AXIN1: variants seen among roughly 807,000 people sequenced by gnomAD.
AXIN1 encodes the protein axin-1.
AXIN1 carries 30 observed loss-of-function variants against 76.4 expected under a neutral mutation model. The observed-to-expected ratio is 0.39, with a 90% confidence interval of 0.29 to 0.53. AXIN1 has a LOEUF of 0.53. AXIN1 is among the 20% of genes least tolerant of loss of function. AXIN1 has a pLI of 0.66. For synonymous variants in AXIN1, 545 were observed against 501.4 expected, an observed-to-expected ratio of 1.09 and a Z score of -1.16; for missense variants, 1,140 against 1,198.8, an observed-to-expected ratio of 0.95 and a Z score of 0.72.
At chr16:289,079 CTT>C (rs763771972) in intron 10 of AXIN1, among the ~76,000 whole-genome samples, 158 of 137,574 alleles carry the variant, frequency 1.1e-3, no homozygotes, top group Middle Eastern at 3.7e-3. Context: ...AGCCCTTTTT[CTT>C]CTTTTTTTTT....
chr16:309,564 G>C (rs530265731), intron 4 of AXIN1, among the ~76,000 whole-genome samples: 15 of 152,294 alleles, frequency 9.8e-5, no homozygotes, highest in Admixed American at 7.2e-4. Flanking sequence ...TTTACCTGGA[G>C]ACGACCACTG....
chr16:337,571 A>G (rs1347172173), intron 2 of AXIN1, among the ~76,000 whole-genome samples: 1 of 151,668 alleles, frequency 6.6e-6, no homozygotes, highest in African/African-American at 2.4e-5. Flanking sequence ...AGCAGGGCAC[A>G]GGACCAAGCA....
intron 2 of AXIN1, among the ~76,000 whole-genome samples, chr16:320,717 G>A (rs905290693): frequency 1.0e-5 from 1 of 99,742 alleles, no homozygotes; most frequent in Non-Finnish European, 1.9e-5. Context: ...GTATATGCGT[G>A]TGTGTGTATA....
In AXIN1 at chr16:288,001, G is replaced by T; in HGVS notation, c.*121C>A. 2 of 1,522,320 alleles carry T rather than the reference G, an allele frequency of 1.3e-6. No individual in the cohort carries two copies. The highest frequency in any genetic ancestry group is 1.8e-6 in the Non-Finnish European group (2 of 1,110,156). The allele number at this position is 1,522,320 out of a possible 1,614,324, so 94.3% of individuals were successfully genotyped here. ...CCTCTAGACACGGGTAGACCACAGG[G>T]ATGGGTGGTACACCCAACACTGTTC... On this transcript the variant is annotated 3_prime_UTR_variant, in exon 11 of 11. Transcript: ENST00000262320.
intron 5 of AXIN1, among the ~76,000 whole-genome samples, chr16:300,777 A>T (rs968008767): frequency 1.3e-5 from 2 of 152,192 alleles, no homozygotes; most frequent in Non-Finnish European, 1.5e-5. Context: ...GGGCCCGGGC[A>T]CTCTGGGGAG....
chr16:315,671 C>T (rs1045497906), intron 2 of AXIN1, among the ~76,000 whole-genome samples: 19 of 151,970 alleles, frequency 1.3e-4, no homozygotes, highest in Admixed American at 1.3e-4. Context: ...ACTAAAAATA[C>T]AAAAAATTAG....
intron 2 of AXIN1, among the ~76,000 whole-genome samples, chr16:317,405 G>C (rs1029608852): frequency 2.0e-5 from 3 of 152,124 alleles, no homozygotes; most frequent in African/African-American, 7.2e-5. Flanking sequence ...TCAGCTGCTC[G>C]GGAGGCAGGT....
chr16:314,594 T>C lies in AXIN1; in HGVS notation c.968A>G (p.Gln323Arg). ...APATSANDSE[Q>R]QSLSSDADTL... ...GTCTGCATCGCTGGACAGGCTCTGC[T>C]GCTCGCTGTCGTTGGCACTGGTGGC... Residue 323 changes from glutamine (Q) to arginine (R), a missense_variant, in exon 3 of 11, where the codon CAG (glutamine) becomes CGG (arginine). Gln to Arg is a conservative substitution (Grantham distance 43, BLOSUM62 1). Around this residue, in one of 3 missense-constraint regions of AXIN1, gnomAD observed 708 missense variants for 776.9 expected, o/e 0.91. Coordinates refer to ENST00000262320, the MANE Select transcript of AXIN1 (RefSeq NM_003502.4). 6.2e-7 allele frequency: 1 copy of C among 1,614,026 alleles called. No homozygotes were observed. Among genetic ancestry groups the C allele is most frequent in the Non-Finnish European group, 8.5e-7 (1 of 1,179,976 alleles).
rs754167170 is a variant in AXIN1 at position 293,374 on chromosome 16, G to A, written c.2186+114C>T. The A allele has an allele frequency of 5.0e-4, 529 of 1,052,256 alleles. 1 individual carries two copies. Among genetic ancestry groups the A allele is most frequent in the Non-Finnish European group, 3.1e-4 (222 of 716,672 alleles). 65.2% of individuals were successfully genotyped at this position (1,052,256 alleles called of 1,614,324 possible). A position where few individuals can be genotyped will look rare whatever the true frequency, so the allele number is the denominator to read the frequency against. On this transcript the variant is annotated intron_variant, in intron 8 of 10. Transcript: ENST00000262320. This position sits in a 1 kb window ranked among gnomAD's most constrained non-coding sequence, Gnocchi z 4.6. ...ATGGAAGGGCCCAGTATGGCTGGGG[G>A]ACACCCAGAGGGCCGTTTTTCCCCT...
intron 9 of AXIN1, chr16:290,742 G>C: frequency 3.1e-6 from 1 of 323,862 alleles, no homozygotes; most frequent in Non-Finnish European, 6.1e-6. Flanking sequence ...CTGACTGCAC[G>C]GGCTGGACAG....
At chr16:306,470 C>T (rs943056729) in intron 4 of AXIN1, among the ~76,000 whole-genome samples, 13 of 152,300 alleles carry the variant, frequency 8.5e-5, no homozygotes, top group African/African-American at 3.1e-4. Context: ...GAGGTGGGAC[C>T]CTCCGTGTGT....
intron 2 of AXIN1, among the ~76,000 whole-genome samples, 189 bp from the exon 3 acceptor site, chr16:314,872 G>A (rs532798047): frequency 3.1e-4 from 47 of 152,288 alleles, no homozygotes; most frequent in African/African-American, 1.1e-3. Context: ...CTTTTCAACG[G>A]GGTGCATTAA....
rs546403883 is a variant in AXIN1 at position 302,218 on chromosome 16, T to C, written c.1254+2086A>G. Among the ~76,000 whole-genome samples the C allele has an allele frequency of 2.0e-5, 3 of 152,304 alleles. No individual in the cohort carries two copies. In the East Asian group the frequency reaches 5.8e-4, roughly 29 times the overall value. On this transcript the variant is annotated intron_variant, in intron 5 of 10. Transcript: ENST00000262320. ...TGCCAGCCCTGCGGCCCCGGCTAGG[T>C]TCCCGATATTGGAGGACAAATTCCC...
chr16:295,310 A>G (rs1023593219), intron 7 of AXIN1, among the ~76,000 whole-genome samples: 7 of 151,650 alleles, frequency 4.6e-5, no homozygotes, highest in South Asian at 2.1e-4. Context: ...AGTTTTTGTC[A>G]TGTTGGCCAG....
At chr16:308,305 G>A (rs1020944970) in intron 4 of AXIN1, among the ~76,000 whole-genome samples, 3 of 152,190 alleles carry the variant, frequency 2.0e-5, no homozygotes, top group African/African-American at 7.2e-5. Flanking sequence ...CATCCTGAGA[G>A]GTCTTTCCAG....
chr16:317,320 G>A (rs1051008904), intron 2 of AXIN1, among the ~76,000 whole-genome samples: 3 of 152,178 alleles, frequency 2.0e-5, no homozygotes, highest in East Asian at 3.9e-4. Flanking sequence ...TGGCCTCCAT[G>A]CCCTCTGGAG....
chr16:289,438 A>G lies in AXIN1; in HGVS notation c.2462+2T>C. 2.5e-6 allele frequency: 4 copies of G among 1,612,586 alleles called. No homozygotes were observed. Among genetic ancestry groups the G allele is most frequent in the Non-Finnish European group, 3.4e-6 (4 of 1,179,938 alleles). On this transcript the variant is annotated splice_donor_variant, in intron 10 of 10. Transcript: ENST00000262320. LOFTEE classifies it high-confidence loss of function. ...AGGGGGCACCCCAGCCCTCACACTC[A>G]CCTGTAGCTGCCCTTTTTGGTCAGC...
Position 287,925 on chromosome 16 carries a change from C to T in AXIN1, c.*197G>A. ...TATGAGGAGTGGTCCAGGCTGCCTC[C>T]TTGGGGGCAGGACAGAAGCTTGTGG... On this transcript the variant is annotated 3_prime_UTR_variant, in exon 11 of 11. Transcript: ENST00000262320. The T allele has an allele frequency of 1.1e-6, 1 of 872,222 alleles. No individual in the cohort carries two copies. Among genetic ancestry groups the T allele is most frequent in the Non-Finnish European group, 1.8e-6 (1 of 548,640 alleles). The allele number at this position is 872,222 out of a possible 1,614,324, so 54.0% of individuals were successfully genotyped here. A position where few individuals can be genotyped will look rare whatever the true frequency, so the allele number is the denominator to read the frequency against.
intron 4 of AXIN1, among the ~76,000 whole-genome samples, chr16:306,683 CCA>C (rs1457576986): frequency 6.6e-6 from 1 of 152,232 alleles, no homozygotes; most frequent in Non-Finnish European, 1.5e-5. Context: ...GGCCCTGGAG[CCA>C]CAGGCTTCAC....
Sources: gnomAD v4.1 joint callset for allele counts (sites outside exome capture counted in the v4.1 genomes callset) on GRCh38, gnomAD v4.1.1 for gene constraint, gnomAD v4.1.1 regional missense constraint, Gnocchi (gnomAD v3.1) non-coding constraint, MANE v1.5 for transcripts, NCBI Gene and HGNC (gene_info 2026-07-23, HGNC 2026-07-21) for gene names.